Variants in RBFOX1 observed in about 807,000 individuals in gnomAD.
RBFOX1 encodes the protein RNA binding fox-1 homolog 1, also known as RNA binding protein fox-1 homolog 1.
A neutral mutation model predicts 57.7 loss-of-function variants in RBFOX1; 8 were observed. The ratio of observed to expected loss-of-function variants is 0.14; its 90% confidence interval spans 0.08 to 0.25. The LOEUF (loss-of-function observed/expected upper bound fraction) is 0.25. Ranked by LOEUF, RBFOX1 falls within the 10% of genes least tolerant of loss-of-function variation. The pLI, the probability that RBFOX1 is intolerant of heterozygous loss-of-function variation, is 1.00. For synonymous variants in RBFOX1, 326 were observed against 222.4 expected (o/e 1.47, Z -4.15); for missense variants, 611 against 548.5 (o/e 1.11, Z -1.14).
intron 3 of RBFOX1, among the ~76,000 whole-genome samples, chr16:6,731,699 C>T (rs560044703): frequency 2.6e-5 from 4 of 152,218 alleles, no homozygotes; most frequent in East Asian, 3.9e-4. Context: ...AGTTTTCCCA[C>T]ATGACTAGGC....
rs560472298 is a variant in RBFOX1, at chr16:5,339,470, G to GTTTTTTTTTTTTTTTTTTTT, written c.219+99376_219+99395dup. 1.8e-3 allele frequency among the ~76,000 whole-genome samples: 74 copies of GTTTTTTTTTTTTTTTTTTTT among 40,886 alleles called. 25 individuals are homozygous for GTTTTTTTTTTTTTTTTTTTT. Among genetic ancestry groups the GTTTTTTTTTTTTTTTTTTTT allele is most frequent in the Non-Finnish European group, 2.3e-3 (51 of 22,198 alleles). The allele number at this position is 40,886 out of a possible 152,430, so 26.8% of individuals were successfully genotyped here. On this transcript the variant is annotated intron_variant, in intron 1 of 2. Transcript: ENST00000585867. Reference sequence around the variant, plus strand: ...AAAAGCTAGAAGCTGCTTTTTCCGTGTTTTTTTTTTTTTTTTTTTTTTTTT... The same window carrying GTTTTTTTTTTTTTTTTTTTT: ...AAAAGCTAGAAGCTGCTTTTTCCGTGTTTTTTTTTTTTTTTTTTTTTTTTTTTTTTTTTTTTTTTTTTTTT...
chr16:7,038,055 T>A (rs534751684), intron 3 of RBFOX1, among the ~76,000 whole-genome samples: 1 of 152,164 alleles, frequency 6.6e-6, no homozygotes, highest in Admixed American at 6.5e-5. Context: ...GTAGAGAGAT[T>A]CAAATGGTAT....
At chr16:6,227,827 C>G (rs917556388) in intron 1 of RBFOX1, among the ~76,000 whole-genome samples, 1 of 152,182 alleles carries the variant, frequency 6.6e-6, no homozygotes, top group Non-Finnish European at 1.5e-5. Context: ...CTCAGGTACA[C>G]ACAAATCTTT....
intron 1 of RBFOX1, among the ~76,000 whole-genome samples, chr16:6,210,237 G>A (rs2097284267): frequency 6.7e-6 from 1 of 150,116 alleles, no homozygotes; most frequent in Non-Finnish European, 1.5e-5. Flanking sequence ...AGAATCAACT[G>A]CACCCAGGAG....
intron 3 of RBFOX1, among the ~76,000 whole-genome samples, chr16:6,926,160 A>G (rs12596939): frequency 0.16 from 24,931 of 151,946 alleles, 2,152 homozygotes; most frequent in Non-Finnish European, 0.2. Context: ...ACAAAAAACT[A>G]GCTGGGCATG....
intron 3 of RBFOX1, among the ~76,000 whole-genome samples, chr16:6,948,771 A>G (rs995446802): frequency 3.3e-5 from 5 of 152,112 alleles, no homozygotes; most frequent in African/African-American, 7.2e-5. Context: ...ATGCCCATAC[A>G]ATCCAGAAGA....
intron 4 of RBFOX1, among the ~76,000 whole-genome samples, chr16:6,000,017 G>A (rs117965049): frequency 0.025 from 3,753 of 152,042 alleles, 72 homozygotes; most frequent in South Asian, 0.042. Context: ...CTCCATTATA[G>A]GGGATGTTTT....
chr16:6,729,825 A>G (rs1465170710), intron 3 of RBFOX1, among the ~76,000 whole-genome samples: 1 of 152,180 alleles, frequency 6.6e-6, no homozygotes, highest in Non-Finnish European at 1.5e-5. Context: ...TTCTCCTGGT[A>G]AATGCTGAAG....
chr16:6,842,789 T>A (rs1270245667), intron 3 of RBFOX1, among the ~76,000 whole-genome samples: 2 of 152,000 alleles, frequency 1.3e-5, no homozygotes, highest in African/African-American at 4.8e-5. Context: ...CCGGCATGCA[T>A]TAGGTATTTG....
At chr16:5,650,174 A>C (rs2049187853) in intron 3 of RBFOX1, among the ~76,000 whole-genome samples, 1 of 152,162 alleles carries the variant, frequency 6.6e-6, no homozygotes. Context: ...CTCCTGGTGA[A>C]ATAGTCGTAA....
intron 1 of RBFOX1, among the ~76,000 whole-genome samples, chr16:5,397,954 C>T (rs535282550): frequency 1.3e-5 from 2 of 152,288 alleles, no homozygotes; most frequent in South Asian, 2.1e-4. Context: ...CATTCGAGGT[C>T]CTTGCCCCCA....
intron 2 of RBFOX1, among the ~76,000 whole-genome samples, chr16:5,594,101 A>T (rs2047102962): frequency 6.6e-6 from 1 of 151,964 alleles, no homozygotes; most frequent in Admixed American, 6.6e-5. Flanking sequence ...ATCATTGGGA[A>T]CTCATCATGC....
intron 4 of RBFOX1, among the ~76,000 whole-genome samples, chr16:7,134,349 A>G (rs1241138148): frequency 1.3e-5 from 2 of 152,208 alleles, no homozygotes; most frequent in African/African-American, 2.4e-5. Flanking sequence ...TCCAGTATAT[A>G]TAACCGTCAA....
intron 1 of RBFOX1, among the ~76,000 whole-genome samples, chr16:6,204,291 G>T (rs975592585): frequency 1.3e-5 from 2 of 152,068 alleles, no homozygotes; most frequent in African/African-American, 4.8e-5. Flanking sequence ...GACATGGATT[G>T]GTAATTTCAT....
chr16:6,868,396 T>G (rs1184157456), intron 3 of RBFOX1, among the ~76,000 whole-genome samples: 1 of 152,146 alleles, frequency 6.6e-6, no homozygotes, highest in African/African-American at 2.4e-5. Context: ...AAGTTTTCTT[T>G]TGGGTTAGTG....
rs192489314 is a variant in RBFOX1, at chr16:7,098,643, T to A, written c.27+46545T>A. On this transcript the variant is annotated intron_variant, in intron 4 of 15. Transcript: ENST00000550418. ...GGTTTCTTATGGGGATATAGGACAT[T>A]AGAGTGGTTAAAATAGTGATGATCT... Among the ~76,000 whole-genome samples the A allele has an allele frequency of 8.4e-3, 1,272 of 152,182 alleles. 15 individuals carry two copies. Among genetic ancestry groups the A allele is most frequent in the Non-Finnish European group, 0.013 (910 of 68,018 alleles).
intron 14 of RBFOX1, among the ~76,000 whole-genome samples, chr16:7,684,208 A>T (rs1408353749): frequency 6.6e-6 from 1 of 152,138 alleles, no homozygotes; most frequent in Non-Finnish European, 1.5e-5. Flanking sequence ...GTCACCAGAC[A>T]GAAATGACTT....
intron 2 of RBFOX1, among the ~76,000 whole-genome samples, chr16:6,393,956 G>T (rs1365724405): frequency 6.6e-6 from 1 of 152,182 alleles, no homozygotes; most frequent in East Asian, 1.9e-4. Flanking sequence ...GGAGAGGTAG[G>T]CTGTTCTTTT....
At chr16:6,784,263 T>C (rs2081531735) in intron 3 of RBFOX1, among the ~76,000 whole-genome samples, 1 of 152,138 alleles carries the variant, frequency 6.6e-6, no homozygotes, top group South Asian at 2.1e-4. Flanking sequence ...TTTGCCGTTT[T>C]TAGGTTATTT....
Sources: allele counts gnomAD v4.1 joint callset (sites outside exome capture counted in the v4.1 genomes callset), GRCh38; gene constraint gnomAD v4.1.1; transcripts MANE v1.5; gene names NCBI Gene and HGNC (gene_info 2026-07-23, HGNC 2026-07-21).